The following CDK4 variants were observed in gnomAD, a reference collection of about 807,000 sequenced individuals.
CDK4 encodes cyclin-dependent kinase 4.
A neutral mutation model predicts 36.7 loss-of-function variants in CDK4; 13 were observed. That is an observed-to-expected ratio of 0.35 (90% CI 0.23 to 0.56). CDK4 has a LOEUF of 0.56. Ranked by LOEUF, CDK4 falls within the 20% of genes least tolerant of loss-of-function variation. CDK4 has a pLI of 0.85. For synonymous variants in CDK4, 158 were observed against 146.4 expected (o/e 1.08, Z -0.57); for missense variants, 285 against 387.3 (o/e 0.74, Z 2.22).
At chr12:57,749,356 C>T (rs1471898565) in intron 6 of CDK4, 39 bp from the exon 7 acceptor site, 9 of 1,614,052 alleles carry the variant, frequency 5.6e-6, no homozygotes, top group Non-Finnish European at 7.6e-6. Flanking sequence ...GAGGGTCCTC[C>T]AGTTCCCATC....
chr12:57,750,314 A>T (rs1389658330), intron 5 of CDK4: 4 of 347,904 alleles, frequency 1.1e-5, no homozygotes, highest in African/African-American at 8.5e-5. Flanking sequence ...GCAGTAGCTT[A>T]TGCTACTTTG....
rs1264069202 is a variant in CDK4 at position 57,750,708 on chromosome 12, G to A, written c.580C>T (p.Pro194Ser). The A allele has an allele frequency of 4.3e-6, 7 of 1,613,972 alleles. No homozygotes were observed. Among genetic ancestry groups the A allele is most frequent in the Non-Finnish European group, 5.9e-6 (7 of 1,179,902 alleles). The part of the protein sequence containing the change: ...EVLLQSTYAT[P>S]VDMWSVGCIF... ...CAGCCAACACTCCACATGTCCACAG[G>A]TGTTGCATATGTGGACTGCAGAAGA... The change falls in exon 5 of 8, where the codon CCT (proline) becomes TCT (serine). Residue 194 changes from proline (P) to serine (S), a missense_variant. Coordinates refer to ENST00000257904, the MANE Select transcript of CDK4 (RefSeq NM_000075.4).
intron 5 of CDK4, 82 bp downstream of exon 5, chr12:57,750,574 A>G (rs1385357364): frequency 7.0e-6 from 7 of 997,638 alleles, no homozygotes; most frequent in South Asian, 2.6e-5. Context: ...CTCAAAAAAA[A>G]AGAATGGGCA....
intron 4 of CDK4, 67 bp from the exon 5 acceptor site, chr12:57,750,832 AAC>A: frequency 6.3e-7 from 1 of 1,592,400 alleles, no homozygotes; most frequent in South Asian, 1.1e-5. Context: ...TGCTTGACTG[AAC>A]ACATGAAGCA....
In CDK4 at chr12:57,749,203, C is replaced by A; in HGVS notation, c.798G>T (p.Glu266Asp). Residue 266 changes from glutamate (E) to aspartate (D), a missense_variant, in exon 7 of 8, where the codon GAG (glutamate) becomes GAT (aspartate). By Grantham distance (45) the Glu-to-Asp change is conservative. Transcript: ENST00000257904. Reference protein sequence around the residue: ...PVQSVVPEMEESGAQLLLEML... With the variant: ...PVQSVVPEMEDSGAQLLLEML... ...GTACCAGCAGCAGCTGTGCTCCCGA[C>A]TCCTCCATCTCAGGTACCACCGACT... The A allele has an allele frequency of 6.2e-7, 1 of 1,614,052 alleles. No individual in the cohort carries two copies. The highest frequency in any genetic ancestry group is 2.2e-5 in the East Asian group (1 of 44,892).
Position 57,749,443 on chromosome 12 carries a change from T to C in CDK4, c.683+11A>G, listed in dbSNP as rs1955205252. The C allele has an allele frequency of 1.2e-6, 2 of 1,614,040 alleles. No individual in the cohort carries two copies. The highest frequency in any genetic ancestry group is 1.1e-5 in the South Asian group (1 of 91,082). On this transcript the variant is annotated intron_variant, in intron 6 of 7. Transcript: ENST00000257904. ...AATAGAAAATCTTTTTCTCCCATGT[T>C]GGTCACTTACTCAAAGATTTTGCCC...
rs575489230 is a variant in CDK4, at chr12:57,749,124, C to T, written c.819+58G>A. ...ACAGTGGCCAGGGCCCTGCATACTG[C>T]TCTATTTCTTTCCCCAGTCTCTATT... On this transcript the variant is annotated intron_variant, in intron 7 of 7. Transcript: ENST00000257904. 3 of 1,607,798 alleles carry T rather than the reference C, an allele frequency of 1.9e-6. No homozygotes were observed. The South Asian group carries it at 3.3e-5, about 18-fold the overall frequency.
rs1182592155 is a variant in CDK4 at position 57,751,097 on chromosome 12, T to G, written c.355-7A>C. ...GAAACTGGCGCATCAGATCCTAGTT[T>G]CAAAGGGGAGGTACAGATGCACTGG... On this transcript the variant is annotated splice_polypyrimidine_tract_variant and splice_region_variant and intron_variant, in intron 3 of 7. Coordinates refer to ENST00000257904, the MANE Select transcript of CDK4 (RefSeq NM_000075.4). This position sits in a 1 kb window ranked among gnomAD's most constrained non-coding sequence, Gnocchi z 4.5. The G allele has an allele frequency of 1.2e-6, 2 of 1,614,120 alleles. No individual in the cohort carries two copies. Among genetic ancestry groups the G allele is most frequent in the Admixed American group, 3.3e-5 (2 of 60,030 alleles).
chr12:57,751,909 CA>C lies in CDK4; in HGVS notation c.-19-174del, dbSNP rs1955242445. The C allele has an allele frequency of 3.2e-5, 20 of 626,948 alleles. No homozygotes were observed. Among genetic ancestry groups the C allele is most frequent in the South Asian group, 3.2e-4 (17 of 53,532 alleles). The allele number at this position is 626,948 out of a possible 1,614,324, so 38.8% of individuals were successfully genotyped here. A position where few individuals can be genotyped will look rare whatever the true frequency, so the allele number is the denominator to read the frequency against. Reference sequence around the variant, plus strand: ...CAGAGATAACACAATGACTCAATACCAACCCCTCCAGCCACGTGAGGCCCTG... The same window carrying C: ...CAGAGATAACACAATGACTCAATACCACCCCTCCAGCCACGTGAGGCCCTG... On this transcript the variant is annotated intron_variant, in intron 1 of 7. Coordinates refer to ENST00000257904, the MANE Select transcript of CDK4 (RefSeq NM_000075.4). This position sits in a 1 kb window ranked among gnomAD's most constrained non-coding sequence, Gnocchi z 4.5.
In CDK4 at chr12:57,748,654, A is replaced by T. The variant is rs1393258828; in HGVS notation, c.820-37T>A. 3.5e-6 allele frequency: 5 copies of T among 1,424,130 alleles called. 1 individual carries two copies. In the Admixed American group the frequency reaches 6.7e-5, roughly 19 times the overall value. 88.2% of individuals were successfully genotyped at this position (1,424,130 alleles called of 1,614,324 possible). On this transcript the variant is annotated intron_variant, in intron 7 of 7. Coordinates refer to ENST00000257904, the MANE Select transcript of CDK4 (RefSeq NM_000075.4). ...GGCAAAGGTCAGAAAACCATGAAGAAAACAGACTTCTGCCCACCCACAACA... is the reference window on the plus strand; with the variant it reads ...GGCAAAGGTCAGAAAACCATGAAGATAACAGACTTCTGCCCACCCACAACA...
At chr12:57,748,707 T>TA in intron 7 of CDK4, 90 bp from the exon 8 acceptor site, 8 of 889,906 alleles carry the variant, frequency 9.0e-6, no homozygotes, top group Non-Finnish European at 1.5e-5. Flanking sequence ...TCTTCTTTTT[T>TA]CTTTTTTTTT....
chr12:57,748,206 C>T lies in CDK4; in HGVS notation c.*319G>A, dbSNP rs775370483. 303 of 364,162 alleles carry T rather than the reference C, an allele frequency of 8.3e-4. No individual in the cohort carries two copies. Among genetic ancestry groups the T allele is most frequent in the Middle Eastern group, 1.6e-3 (2 of 1,228 alleles). 22.6% of individuals were successfully genotyped at this position (364,162 alleles called of 1,614,324 possible). The stretch of plus-strand genomic sequence containing the variant: ...CAAATCGCACAATGGCAAAGCCAAA[C>T]AGAGGAAGAAACATTAAAAAAAAAA... On this transcript the variant is annotated 3_prime_UTR_variant, in exon 8 of 8. Coordinates refer to ENST00000257904, the MANE Select transcript of CDK4 (RefSeq NM_000075.4).
chr12:57,750,821 T>G, intron 4 of CDK4, 56 bp from the exon 5 acceptor site: 1 of 1,593,980 alleles, frequency 6.3e-7, no homozygotes, highest in Non-Finnish European at 8.6e-7. Flanking sequence ...GAAACACAAC[T>G]TGCTTGACTG....
intron 5 of CDK4, 118 bp from the exon 6 acceptor site, chr12:57,749,622 T>A: frequency 1.0e-6 from 1 of 982,896 alleles, no homozygotes; most frequent in Non-Finnish European, 1.6e-6. Flanking sequence ...ATTCCAGCAC[T>A]TTGGGATGCT....
In CDK4 at chr12:57,748,034, G is replaced by A. The variant is rs112275916; in HGVS notation, c.*491C>T. Reference sequence around the variant, plus strand: ...TGGGATTATAGGCGTGAGCCACCACGCCCCGCCTAAAATCCATATTCAAAG... The same window carrying A: ...TGGGATTATAGGCGTGAGCCACCACACCCCGCCTAAAATCCATATTCAAAG... On this transcript the variant is annotated 3_prime_UTR_variant, in exon 8 of 8. Coordinates refer to ENST00000257904, the MANE Select transcript of CDK4 (RefSeq NM_000075.4). 4,138 of 249,134 alleles carry A rather than the reference G, an allele frequency of 0.017. 156 individuals carry two copies. The highest frequency in any genetic ancestry group is 0.081 in the African/African-American group (3,648 of 44,906). 15.4% of individuals were successfully genotyped at this position (249,134 alleles called of 1,614,324 possible).
chr12:57,751,322 G>A lies in CDK4; in HGVS notation c.239C>T (p.Thr80Ile). The A allele has an allele frequency of 1.9e-6, 3 of 1,614,146 alleles. No homozygotes were observed. Among genetic ancestry groups the A allele is most frequent in the Non-Finnish European group, 2.5e-6 (3 of 1,180,044 alleles). Residue 80 changes from threonine (T) to isoleucine (I), a missense_variant, in exon 3 of 8, where the codon ACA (threonine) becomes ATA (isoleucine). By Grantham distance (89) the Thr-to-Ile change is moderately conservative. Coordinates refer to ENST00000257904, the MANE Select transcript of CDK4 (RefSeq NM_000075.4). This position sits in a 1 kb window ranked among gnomAD's most constrained non-coding sequence, Gnocchi z 4.5. ...NVVRLMDVCA[T>I]SRTDREIKVT... The stretch of plus-strand genomic sequence containing the variant: ...CTTGATCTCCCGGTCAGTTCGGGAT[G>A]TGGCACAGACGTCCATCAGCCTGAC...
chr12:57,750,973 C>A lies in CDK4; in HGVS notation c.472G>T (p.Asp158Tyr), dbSNP rs2140386429. 6.2e-7 allele frequency: 1 copy of A among 1,614,198 alleles called. No individual in the cohort carries two copies. Among genetic ancestry groups the A allele is most frequent in the South Asian group, 1.1e-5 (1 of 91,062 alleles). The change falls in exon 4 of 8, where the codon GAC becomes TAC. Residue 158 changes from aspartate (D) to tyrosine (Y), a missense_variant. By Grantham distance (160) the Asp-to-Tyr change is radical. Coordinates refer to ENST00000257904, the MANE Select transcript of CDK4 (RefSeq NM_000075.4). The part of the protein sequence containing the change: ...VTSGGTVKLA[D>Y]FGLARIYSYQ... ...CTGTAGATTCTGGCCAGGCCAAAGT[C>A]AGCCAGCTTGACTGTTCCACCACTT... is the stretch of plus-strand genomic sequence containing the variant.
chr12:57,747,988 C>T lies in CDK4; in HGVS notation c.*537G>A, dbSNP rs1447145497. 1.9e-5 allele frequency: 4 copies of T among 215,630 alleles called. No homozygotes were observed. Among genetic ancestry groups the T allele is most frequent in the East Asian group, 7.5e-5 (1 of 13,390 alleles). The allele number at this position is 215,630 out of a possible 1,614,324, so 13.4% of individuals were successfully genotyped here. A position where few individuals can be genotyped will look rare whatever the true frequency, so the allele number is the denominator to read the frequency against. The stretch of plus-strand genomic sequence containing the variant: ...AACTCCTGACCTCAGGTGATCCACC[C>T]GCGTTGGCCTCCCAACGTGCTGGGA... On this transcript the variant is annotated 3_prime_UTR_variant, in exon 8 of 8. Transcript: ENST00000257904.
In CDK4 at chr12:57,751,753, C is replaced by T. The variant is rs1046558903; in HGVS notation, c.-19-17G>A. On this transcript the variant is annotated splice_polypyrimidine_tract_variant and intron_variant, in intron 1 of 7. Transcript: ENST00000257904. The surrounding 1 kb of genome is among the most constrained non-coding windows in gnomAD (Gnocchi z 4.5). ...AGGGAGACCCTACAATCACAGACTC[C>T]TATCACCAAAAGTCGCTTACAGAGT... is the stretch of plus-strand genomic sequence containing the variant. The T allele has an allele frequency of 6.3e-7, 1 of 1,593,516 alleles. No individual in the cohort carries two copies. Among genetic ancestry groups the T allele is most frequent in the Admixed American group, 1.7e-5 (1 of 59,538 alleles).
Sources: gnomAD v4.1 joint callset for allele counts on GRCh38, gnomAD v4.1.1 for gene constraint, Gnocchi (gnomAD v3.1) non-coding constraint, MANE v1.5 for transcripts, NCBI Gene and HGNC (gene_info 2026-07-23, HGNC 2026-07-21) for gene names.